ZFAND6: variants seen among roughly 807,000 people sequenced by gnomAD.
The protein encoded by ZFAND6 is AN1-type zinc finger protein 6.
Under a neutral mutation model 24.5 loss-of-function variants are expected in ZFAND6, and 12 were observed. That is an observed-to-expected ratio of 0.49 (90% CI 0.31 to 0.79). The LOEUF is 0.79. Ranked by LOEUF, ZFAND6 falls within the 30% of genes least tolerant of loss-of-function variation. The pLI is 0.04. For missense variants in ZFAND6, 207 were observed against 245.9 expected (o/e 0.84, Z 1.06); for synonymous variants, 92 against 81.5 (o/e 1.13, Z -0.69).
rs913374605 is a variant in ZFAND6, at chr15:80,113,942, C to T, written c.-17-6386C>T. Among the ~76,000 whole-genome samples, 10 of 151,768 alleles carry T rather than the reference C, an allele frequency of 6.6e-5. 2 individuals carry two copies. In the South Asian group the frequency reaches 1.5e-3, roughly 22 times the overall value. ...GAGGCTTGAGGTGGTCAGAAAGGGGCCCAGAAGAAATAGAATTTAAGCTGA... is the reference window on the plus strand; with the variant it reads ...GAGGCTTGAGGTGGTCAGAAAGGGGTCCAGAAGAAATAGAATTTAAGCTGA... On this transcript the variant is annotated intron_variant, in intron 2 of 6. Transcript: ENST00000261749.
In ZFAND6 at chr15:80,137,883, T is replaced by C. The variant is rs1199549867; in HGVS notation, c.*255T>C. The C allele has an allele frequency of 3.5e-6, 1 of 287,680 alleles. No homozygotes were observed. Among genetic ancestry groups the C allele is most frequent in the Non-Finnish European group, 6.3e-6 (1 of 158,190 alleles). 17.8% of individuals were successfully genotyped at this position (287,680 alleles called of 1,614,324 possible). On this transcript the variant is annotated 3_prime_UTR_variant, in exon 7 of 7. Coordinates refer to ENST00000261749, the MANE Select transcript of ZFAND6 (RefSeq NM_019006.4). ...TAATTTTAGTTGAGTGCAGAGGGCT[T>C]TTATAACAAACGTGCAGAAATTTTG...
At chr15:80,135,244 A>G (rs781520976) in intron 6 of ZFAND6, among the ~76,000 whole-genome samples, 64 of 152,236 alleles carry the variant, frequency 4.2e-4, no homozygotes, top group Admixed American at 1.2e-3. Context: ...TTATAAGAAT[A>G]CATTATATAT....
intron 1 of ZFAND6, among the ~76,000 whole-genome samples, chr15:80,080,375 A>G (rs181526274): frequency 8.9e-4 from 136 of 152,298 alleles, no homozygotes; most frequent in African/African-American, 3.1e-3. Flanking sequence ...TTCATGGGAG[A>G]TATGTTTGAA....
intron 2 of ZFAND6, among the ~76,000 whole-genome samples, chr15:80,103,786 T>G (rs1480082622): frequency 6.6e-6 from 1 of 152,184 alleles, no homozygotes. Flanking sequence ...AAGCAGACAC[T>G]TAGGAGAAAT....
intron 1 of ZFAND6, among the ~76,000 whole-genome samples, chr15:80,090,178 A>C (rs558680181): frequency 9.8e-5 from 15 of 152,358 alleles, no homozygotes; most frequent in African/African-American, 3.4e-4. Context: ...GTAGTAAAGC[A>C]AGAATTTGAA....
chr15:80,131,226 GTC>G lies in ZFAND6; in HGVS notation c.415_416del (p.Leu139Ter). ...AGCAGCCATCTGAAGAGCAAAGCAA[GTC>G]TCTTGAAAAACCGAAACAAAAAAAG... Reference protein sequence around the residue: ...AQQPSEEQSKSLEKPKQKKNR... With the variant: ...AQQPSEEQSKXLEKPKQKKNR... On this transcript the variant is annotated frameshift_variant, in exon 6 of 7. Coordinates refer to ENST00000261749, the MANE Select transcript of ZFAND6 (RefSeq NM_019006.4). LOFTEE classifies it high-confidence loss of function. The G allele has an allele frequency of 6.2e-7, 1 of 1,612,646 alleles. No individual in the cohort carries two copies. Among genetic ancestry groups the G allele is most frequent in the Non-Finnish European group, 8.5e-7 (1 of 1,179,348 alleles).
chr15:80,121,571 A>T (rs1252447492), intron 3 of ZFAND6, 141 bp from the exon 4 acceptor site: 23 of 537,174 alleles, frequency 4.3e-5, no homozygotes, highest in Non-Finnish European at 4.7e-5. Context: ...AAATTTTTTA[A>T]AAATAATGAA....
intron 1 of ZFAND6, among the ~76,000 whole-genome samples, chr15:80,085,770 T>C (rs2037957890): frequency 6.6e-6 from 1 of 152,220 alleles, no homozygotes; most frequent in African/African-American, 2.4e-5. Flanking sequence ...TAGGATATTT[T>C]GTGAAATCTT....
chr15:80,104,772 G>A (rs566701195), intron 2 of ZFAND6, among the ~76,000 whole-genome samples: 3 of 152,038 alleles, frequency 2.0e-5, no homozygotes, highest in African/African-American at 7.2e-5. Flanking sequence ...CTTCCAATTA[G>A]CAAATAGGCC....
Position 80,120,371 on chromosome 15 carries a change from A to C in ZFAND6, c.27A>C (p.Gln9His), listed in dbSNP as rs1211773456. The change falls in exon 3 of 7, where the codon CAA becomes CAC. Residue 9 changes from glutamine to histidine, a missense_variant. By Grantham distance (24) the Gln-to-His change is conservative (BLOSUM62 0). This residue lies in a region of ZFAND6 where 29 missense variants were observed against 55.4 expected (regional missense o/e 0.52). Transcript: ENST00000261749. MAQETNHSQVPMLCSTGCG... is the reference protein window; with the variant it reads MAQETNHSHVPMLCSTGCG... Reference sequence around the variant, plus strand: ...TGGCTCAAGAAACTAATCACAGCCAAGTGCCTATGCTTTGTTCCACTGGCT... The same window carrying C: ...TGGCTCAAGAAACTAATCACAGCCACGTGCCTATGCTTTGTTCCACTGGCT... The C allele has an allele frequency of 1.3e-6, 2 of 1,589,658 alleles. No individual in the cohort carries two copies. The highest frequency in any genetic ancestry group is 1.7e-6 in the Non-Finnish European group (2 of 1,165,404).
At chr15:80,113,305 A>G (rs755706651) in intron 2 of ZFAND6, among the ~76,000 whole-genome samples, 11 of 152,196 alleles carry the variant, frequency 7.2e-5, no homozygotes, top group Non-Finnish European at 1.6e-4. Flanking sequence ...CTATTTTTCA[A>G]CAGAAGAAAT....
chr15:80,095,912 G>C (rs1348511189), intron 1 of ZFAND6, among the ~76,000 whole-genome samples: 3 of 152,152 alleles, frequency 2.0e-5, no homozygotes, highest in Non-Finnish European at 4.4e-5. Context: ...TTGGTTTTCT[G>C]ATAACATTCA....
intron 1 of ZFAND6, among the ~76,000 whole-genome samples, chr15:80,068,765 A>T (rs1488230891): frequency 6.6e-6 from 1 of 152,188 alleles, no homozygotes; most frequent in Non-Finnish European, 1.5e-5. Context: ...GCCAATTTTT[A>T]AATTTCAATG....
At chr15:80,084,083 C>A (rs979260598) in intron 1 of ZFAND6, among the ~76,000 whole-genome samples, 9 of 152,170 alleles carry the variant, frequency 5.9e-5, no homozygotes, top group African/African-American at 2.2e-4. Context: ...CAGCTCAGAT[C>A]TGAATCCAGG....
intron 5 of ZFAND6, chr15:80,129,620 G>A (rs1323356735): frequency 6.6e-6 from 1 of 152,202 alleles, no homozygotes; most frequent in Non-Finnish European, 1.5e-5. Flanking sequence ...TCTGCTATGT[G>A]GTTGGAGACA....
At chr15:80,117,405 G>T (rs148098748) in intron 2 of ZFAND6, among the ~76,000 whole-genome samples, 1 of 152,096 alleles carries the variant, frequency 6.6e-6, no homozygotes, top group Non-Finnish European at 1.5e-5. Flanking sequence ...TGTATTTTTA[G>T]TAGAGACGGG....
chr15:80,071,051 A>G (rs2036947940), intron 1 of ZFAND6, among the ~76,000 whole-genome samples: 1 of 152,130 alleles, frequency 6.6e-6, no homozygotes, highest in Non-Finnish European at 1.5e-5. Context: ...TGGCTCTTTC[A>G]ATTTGTCCAC....
At chr15:80,064,790 C>A (rs1316948358) in intron 1 of ZFAND6, among the ~76,000 whole-genome samples, 1 of 151,950 alleles carries the variant, frequency 6.6e-6, no homozygotes, top group East Asian at 1.9e-4. Flanking sequence ...ACAGGCGTTC[C>A]CCACCATGCC....
intron 1 of ZFAND6, among the ~76,000 whole-genome samples, chr15:80,069,073 T>C (rs2036826544): frequency 6.6e-6 from 1 of 152,264 alleles, no homozygotes. Flanking sequence ...TCAGTAACTA[T>C]ATAAAGAATG....
Sources: gnomAD v4.1 joint callset for allele counts (sites outside exome capture counted in the v4.1 genomes callset) on GRCh38, gnomAD v4.1.1 for gene constraint, gnomAD v4.1.1 regional missense constraint, MANE v1.5 for transcripts, NCBI Gene and HGNC (gene_info 2026-07-23, HGNC 2026-07-21) for gene names.